The following SATB2 variants were observed in gnomAD, a reference collection of about 807,000 sequenced individuals.
SATB2 encodes SATB homeobox 2, also known as DNA-binding protein SATB2.
A neutral mutation model predicts 73.4 loss-of-function variants in SATB2; 1 was observed. The ratio of observed to expected loss-of-function variants is 0.01; its 90% CI spans 0.00 to 0.06. The LOEUF (loss-of-function observed/expected upper bound fraction) is 0.06, where lower values mean the gene tolerates loss of function less well. Among genes scored for constraint, SATB2 ranks in the 10% least tolerant of loss-of-function variants. The probability of loss-of-function intolerance (pLI) is 1.00; values close to 1 mark genes in which losing one functional copy is unlikely to be tolerated. For missense variants in SATB2, 459 were observed against 945.8 expected (o/e 0.49, Z 6.75); for synonymous variants, 397 against 367.0 (o/e 1.08, Z -0.93).
chr2:199,328,960 G>A (rs1187705657), intron 7 of SATB2, 50 bp from the exon 8 acceptor site: 1 of 1,456,696 alleles, frequency 6.9e-7, no homozygotes, highest in South Asian at 1.2e-5. Flanking sequence ...GCAGGTATAT[G>A]TGTGTGGTTT....
intron 6 of SATB2, among the ~76,000 whole-genome samples, chr2:199,362,129 C>A (rs1028408151): frequency 1.3e-5 from 2 of 152,076 alleles, no homozygotes; most frequent in African/African-American, 4.8e-5. Flanking sequence ...AAAAGCTTAG[C>A]CATTCTGAGC....
intron 3 of SATB2, among the ~76,000 whole-genome samples, chr2:199,401,527 A>G (rs1464213040): frequency 6.6e-6 from 1 of 151,866 alleles, no homozygotes; most frequent in Non-Finnish European, 1.5e-5. Context: ...CACTCCGAGC[A>G]AGACTCTGTC....
At chr2:199,273,657 T>G (rs1274587564) in intron 10 of SATB2, among the ~76,000 whole-genome samples, 1 of 152,198 alleles carries the variant, frequency 6.6e-6, no homozygotes, top group Non-Finnish European at 1.5e-5. Context: ...ATACTTAACA[T>G]AGATAGACCT....
At chr2:199,452,025 T>A (rs1247069979) in intron 2 of SATB2, among the ~76,000 whole-genome samples, 3 of 152,050 alleles carry the variant, frequency 2.0e-5, no homozygotes, top group Non-Finnish European at 4.4e-5. Context: ...AATAAGCAAG[T>A]TTTTTTAATA....
At chr2:199,313,927 T>C (rs1226251782) in intron 9 of SATB2, among the ~76,000 whole-genome samples, 1 of 152,164 alleles carries the variant, frequency 6.6e-6, no homozygotes, top group East Asian at 1.9e-4. Context: ...CTCCAGCCAC[T>C]GTGAATTACT....
At chr2:199,287,182 T>C (rs1692714958) in intron 10 of SATB2, among the ~76,000 whole-genome samples, 2 of 152,186 alleles carry the variant, frequency 1.3e-5, no homozygotes, top group Admixed American at 1.3e-4. Context: ...TGAAAATAAC[T>C]TCATCAATGC....
intron 10 of SATB2, among the ~76,000 whole-genome samples, chr2:199,298,824 G>A (rs1193913283): frequency 6.6e-6 from 1 of 152,146 alleles, no homozygotes; most frequent in Non-Finnish European, 1.5e-5. Context: ...GTTCTTTTCT[G>A]TTTCTTCTGC....
intron 6 of SATB2, among the ~76,000 whole-genome samples, chr2:199,364,040 T>G (rs775021997): frequency 2.6e-5 from 4 of 152,164 alleles, no homozygotes; most frequent in Non-Finnish European, 4.4e-5. Context: ...TTAAAGGCAT[T>G]GTCCTGACCA....
chr2:199,462,040 T>C (rs1379166714), upstream of SATB2, among the ~76,000 whole-genome samples: 1 of 152,202 alleles, frequency 6.6e-6, no homozygotes, highest in Non-Finnish European at 1.5e-5. This position sits in a 1 kb window ranked among gnomAD's most constrained non-coding sequence, Gnocchi z 5.9. Context: ...TCCCGGGCTC[T>C]GAGGGCCCGG....
At chr2:199,315,821 A>G (rs953952158) in intron 9 of SATB2, among the ~76,000 whole-genome samples, 3 of 152,058 alleles carry the variant, frequency 2.0e-5, no homozygotes, top group African/African-American at 7.3e-5. Context: ...CACAGTGATT[A>G]TTCCCCTTGA....
chr2:199,324,538 T>G (rs909778953), intron 8 of SATB2, among the ~76,000 whole-genome samples: 2 of 152,156 alleles, frequency 1.3e-5, no homozygotes, highest in Non-Finnish European at 2.9e-5. Flanking sequence ...AAATTTCATT[T>G]CATAAAACTA....
At chr2:199,437,811 A>T (rs1559054901) in intron 2 of SATB2, among the ~76,000 whole-genome samples, 3 of 152,210 alleles carry the variant, frequency 2.0e-5, no homozygotes, top group African/African-American at 7.2e-5. Flanking sequence ...AAAATTAACC[A>T]GTAATTTTTT....
At chr2:199,282,953 T>C (rs963244985) in intron 10 of SATB2, among the ~76,000 whole-genome samples, 15 of 152,184 alleles carry the variant, frequency 9.9e-5, no homozygotes, top group Non-Finnish European at 2.2e-4. Flanking sequence ...CTTCTATACA[T>C]ACAGCCTGAC....
chr2:199,406,824 T>C (rs1194922301), intron 3 of SATB2, among the ~76,000 whole-genome samples: 1 of 152,072 alleles, frequency 6.6e-6, no homozygotes, highest in African/African-American at 2.4e-5. Context: ...GGGGAGATGA[T>C]TTAAAAGAGT....
chr2:199,357,045 A>G (rs1375516858), intron 6 of SATB2, among the ~76,000 whole-genome samples: 1 of 152,180 alleles, frequency 6.6e-6, no homozygotes, highest in Non-Finnish European at 1.5e-5. Context: ...CTGTTAATGG[A>G]AGATTCTGAA....
At chr2:199,345,999 C>A (rs969094254) in intron 7 of SATB2, among the ~76,000 whole-genome samples, 4 of 152,020 alleles carry the variant, frequency 2.6e-5, no homozygotes, top group Non-Finnish European at 2.9e-5. Flanking sequence ...TAACTCTTTA[C>A]AAGCAAAGAA....
At chr2:199,340,654 T>TA (rs1401253309) in intron 7 of SATB2, among the ~76,000 whole-genome samples, 1 of 152,218 alleles carries the variant, frequency 6.6e-6, no homozygotes, top group Non-Finnish European at 1.5e-5. Context: ...TTTCAAATGA[T>TA]ACAGTCTTCT....
chr2:199,297,833 T>C (rs1196205888), intron 10 of SATB2, among the ~76,000 whole-genome samples: 1 of 152,048 alleles, frequency 6.6e-6, no homozygotes, highest in Non-Finnish European at 1.5e-5. Context: ...CCAACTTTTG[T>C]CATACCCAAT....
intron 5 of SATB2, among the ~76,000 whole-genome samples, chr2:199,372,860 G>T (rs1285605589): frequency 6.6e-6 from 1 of 152,062 alleles, no homozygotes; most frequent in African/African-American, 2.4e-5. Flanking sequence ...GAACCTAAAG[G>T]GAATTTAAAA....
Sources: gnomAD v4.1 joint callset for allele counts (sites outside exome capture counted in the v4.1 genomes callset) on GRCh38, gnomAD v4.1.1 for gene constraint, Gnocchi (gnomAD v3.1) non-coding constraint, MANE v1.5 for transcripts, NCBI Gene and HGNC (gene_info 2026-07-23, HGNC 2026-07-21) for gene names.